Variants in LANCL2 observed in about 807,000 individuals in gnomAD.
LANCL2 encodes the protein LanC like glutathione S-transferase 2, also known as lanC-like protein 2.
Under a neutral mutation model 56.9 loss-of-function variants are expected in LANCL2, and 33 were observed. The observed-to-expected ratio is 0.58, with a 90% CI of 0.44 to 0.78. The LOEUF is 0.78. Ranked by LOEUF, LANCL2 falls within the 30% of genes least tolerant of loss-of-function variation. The pLI is 0.00. For missense variants in LANCL2, 562 were observed against 580.2 expected, an observed-to-expected ratio of 0.97 and a Z score of 0.32; for synonymous variants, 233 against 228.2, an observed-to-expected ratio of 1.02 and a Z score of -0.19.
At position 55,366,204 on chromosome 7, in the gene LANCL2, G is replaced by A; in HGVS notation, c.179G>A (p.Gly60Asp). The change falls in exon 1 of 9, where the codon GGC becomes GAC. Residue 60 changes from glycine to aspartate, a missense_variant. Physicochemically the swap from Gly to Asp is moderately conservative, Grantham distance 94. Transcript: ENST00000254770. ...CCCCCGGCGACCACGGATGAGCCCG[G>A]CCTCCCTTTTCATCAGGACGGGAAG... Reference protein sequence around the residue: ...VRPPATTDEPGLPFHQDGKII... With the variant: ...VRPPATTDEPDLPFHQDGKII... The A allele has an allele frequency of 6.5e-7, 1 of 1,541,428 alleles. No individual in the cohort carries two copies. The highest frequency in any genetic ancestry group is 1.9e-5 in the Admixed American group (1 of 52,236).
rs1461543788 is a variant in LANCL2, at chr7:55,411,977, A to G, written c.896A>G (p.Lys299Arg). The change falls in exon 6 of 9, where the codon AAA becomes AGA. Residue 299 changes from lysine (K) to arginine (R), a missense_variant. Physicochemically the swap from Lys to Arg is conservative, Grantham distance 26. Coordinates refer to ENST00000254770, the MANE Select transcript of LANCL2 (RefSeq NM_018697.4). Reference protein sequence around the residue: ...VKPSIDYVRHKKFRSGNYPSS... With the variant: ...VKPSIDYVRHRKFRSGNYPSS... ...CCCAGTATTGATTATGTGCGCCACA[A>G]AAAATTCCGATCTGGGAATTACCCA... 6.2e-7 allele frequency: 1 copy of G among 1,614,256 alleles called. No individual in the cohort carries two copies. Among genetic ancestry groups the G allele is most frequent in the Non-Finnish European group, 8.5e-7 (1 of 1,180,040 alleles).
At chr7:55,373,295 T>TTATTTATTTATG (rs1554378409) in intron 1 of LANCL2, among the ~76,000 whole-genome samples, 3 of 151,528 alleles carry the variant, frequency 2.0e-5, no homozygotes, top group Non-Finnish European at 4.4e-5. Context: ...ATTTATTTAT[T>TTATTTATTTATG]TATTTATTTA....
chr7:55,411,725 T>C (rs150504968), intron 5 of LANCL2, among the ~76,000 whole-genome samples, 182 bp from the exon 6 acceptor site: 21 of 152,214 alleles, frequency 1.4e-4, no homozygotes, highest in African/African-American at 9.7e-5. Context: ...ACTATAACAC[T>C]AAGATTTCAA....
chr7:55,416,500 C>T lies in LANCL2; in HGVS notation c.1008+4411C>T, dbSNP rs891662413. Among the ~76,000 whole-genome samples, 29 of 152,026 alleles carry T rather than the reference C, an allele frequency of 1.9e-4. 1 individual carries two copies. Among genetic ancestry groups the T allele is most frequent in the Admixed American group, 1.3e-3 (20 of 15,250 alleles). ...TCTTGTTTTTTGCCCAGGCTGGTTTCGAACTCGTGGACTCAAGCAATCTTC... is the reference window on the plus strand; with the variant it reads ...TCTTGTTTTTTGCCCAGGCTGGTTTTGAACTCGTGGACTCAAGCAATCTTC... On this transcript the variant is annotated intron_variant, in intron 6 of 8. Coordinates refer to ENST00000254770, the MANE Select transcript of LANCL2 (RefSeq NM_018697.4).
intron 1 of LANCL2, among the ~76,000 whole-genome samples, chr7:55,368,102 T>G (rs1262913489): frequency 6.6e-6 from 1 of 152,212 alleles, no homozygotes; most frequent in Non-Finnish European, 1.5e-5. Flanking sequence ...TAGTGAAAGA[T>G]GAATGAAATG....
At chr7:55,372,797 G>A (rs1163442106) in intron 1 of LANCL2, among the ~76,000 whole-genome samples, 1 of 152,100 alleles carries the variant, frequency 6.6e-6, no homozygotes, top group Non-Finnish European at 1.5e-5. Flanking sequence ...TTAAAGAAAT[G>A]CTTATTGTCT....
intron 1 of LANCL2, 35 bp downstream of exon 1, chr7:55,366,264 G>A (rs759261384): frequency 2.4e-5 from 34 of 1,437,904 alleles, no homozygotes; most frequent in Non-Finnish European, 2.9e-5. Flanking sequence ...GGCGCCGGAG[G>A]GGGAGCGCGG....
chr7:55,385,038 T>C (rs960136270), intron 1 of LANCL2, among the ~76,000 whole-genome samples: 4 of 152,048 alleles, frequency 2.6e-5, no homozygotes, highest in Non-Finnish European at 5.9e-5. Flanking sequence ...AATACAAAAA[T>C]TAGCCAGTTG....
intron 1 of LANCL2, among the ~76,000 whole-genome samples, chr7:55,377,865 T>C (rs1011809405): frequency 3.3e-5 from 5 of 152,236 alleles, no homozygotes; most frequent in Non-Finnish European, 7.3e-5. Context: ...GGCAGGTACA[T>C]ATTTCTATTC....
At chr7:55,410,623 T>C (rs1358549945) in intron 5 of LANCL2, among the ~76,000 whole-genome samples, 1 of 152,230 alleles carries the variant, frequency 6.6e-6, no homozygotes, top group African/African-American at 2.4e-5. Context: ...GAAAAATCAG[T>C]GGCCAGAGGC....
At chr7:55,397,656 C>CTTTTTTTTTTTTTTT (rs10659615) in intron 2 of LANCL2, among the ~76,000 whole-genome samples, 4 of 108,832 alleles carry the variant, frequency 3.7e-5, no homozygotes, top group Non-Finnish European at 5.4e-5. Context: ...TATACTGATT[C>CTTTTTTTTTTTTTTT]TTTTTTTTTT....
rs774733352 is a variant in LANCL2 at position 55,366,195 on chromosome 7, A to T, written c.170A>T (p.Asp57Val). The T allele has an allele frequency of 2.5e-5, 38 of 1,547,130 alleles. No homozygotes were observed. The highest frequency in any genetic ancestry group is 3.8e-5 in the Admixed American group (2 of 52,816). ...TGTGTTCGTCCCCCGGCGACCACGGATGAGCCCGGCCTCCCTTTTCATCAG... is the reference window on the plus strand; with the variant it reads ...TGTGTTCGTCCCCCGGCGACCACGGTTGAGCCCGGCCTCCCTTTTCATCAG... ...TGCVRPPATT[D>V]EPGLPFHQDG... is the part of the protein sequence containing the mutation. The change falls in exon 1 of 9, where the codon GAT becomes GTT. Residue 57 changes from aspartate (D) to valine (V), a missense_variant. Asp to Val is a radical substitution (Grantham distance 152). Transcript: ENST00000254770.
intron 6 of LANCL2, among the ~76,000 whole-genome samples, chr7:55,423,998 G>A (rs776219197): frequency 8.5e-5 from 13 of 152,050 alleles, no homozygotes; most frequent in Non-Finnish European, 1.5e-4. Context: ...CCCAACCTCC[G>A]CCTTTTTCCT....
chr7:55,415,295 T>C (rs1790515527), intron 6 of LANCL2, among the ~76,000 whole-genome samples: 1 of 152,218 alleles, frequency 6.6e-6, no homozygotes, highest in South Asian at 2.1e-4. Context: ...CCTTAGATGC[T>C]GAACTGAATC....
intron 1 of LANCL2, among the ~76,000 whole-genome samples, chr7:55,386,245 T>C (rs1790124346): frequency 6.6e-6 from 1 of 152,228 alleles, no homozygotes; most frequent in Non-Finnish European, 1.5e-5. Context: ...ATCACAAGGA[T>C]ATTGATTGGG....
At position 55,407,329 on chromosome 7, in the gene LANCL2, C is replaced by T. The variant is rs530231496; in HGVS notation, c.826-4578C>T. The stretch of plus-strand genomic sequence containing the variant: ...GCCAGCCTCAGGCACCGTCACCTCT[C>T]CCTCACCCCAAGGGGCAGCACCACC... On this transcript the variant is annotated intron_variant, in intron 5 of 8. Coordinates refer to ENST00000254770, the MANE Select transcript of LANCL2 (RefSeq NM_018697.4). Among the ~76,000 whole-genome samples, 15 of 152,320 alleles carry T rather than the reference C, an allele frequency of 9.8e-5. No homozygotes were observed. In the East Asian group the frequency reaches 2.7e-3, roughly 27 times the overall value.
chr7:55,365,813 C>T lies in LANCL2; in HGVS notation c.-213C>T, dbSNP rs1179222817. ...AAAGGCGCCAGGAACAGGGCAGAGGCACAGCGCCCACCGCCTCTGCGGCCG... is the reference window on the plus strand; with the variant it reads ...AAAGGCGCCAGGAACAGGGCAGAGGTACAGCGCCCACCGCCTCTGCGGCCG... On this transcript the variant is annotated 5_prime_UTR_variant, in exon 1 of 9. Transcript: ENST00000254770. 6 of 442,020 alleles carry T rather than the reference C, an allele frequency of 1.4e-5. No homozygotes were observed. The highest frequency in any genetic ancestry group is 5.9e-4 in the Middle Eastern group (1 of 1,698). 27.4% of individuals were successfully genotyped at this position (442,020 alleles called of 1,614,324 possible). A position where few individuals can be genotyped will look rare whatever the true frequency, so the allele number is the denominator to read the frequency against.
At chr7:55,407,293 T>C (rs1583758446) in intron 5 of LANCL2, among the ~76,000 whole-genome samples, 2 of 152,204 alleles carry the variant, frequency 1.3e-5, no homozygotes, top group East Asian at 3.9e-4. Flanking sequence ...TGAGACTGCC[T>C]CTCTGTCACC....
chr7:55,405,345 T>C (rs1295601429), intron 5 of LANCL2, among the ~76,000 whole-genome samples: 1 of 152,216 alleles, frequency 6.6e-6, no homozygotes, highest in East Asian at 1.9e-4. Flanking sequence ...TCTGCCTGAC[T>C]GAGTCCACAC....
Sources: allele counts gnomAD v4.1 joint callset (sites outside exome capture counted in the v4.1 genomes callset), GRCh38; gene constraint gnomAD v4.1.1; transcripts MANE v1.5; gene names NCBI Gene and HGNC (gene_info 2026-07-23, HGNC 2026-07-21).